Variants in DOCK3 observed in about 807,000 individuals in gnomAD.
DOCK3 encodes dedicator of cytokinesis protein 3.
In DOCK3, 60 loss-of-function variants were observed where a neutral mutation model predicts 265.6. That is an observed-to-expected ratio of 0.23 (90% CI 0.18 to 0.28). DOCK3 has a LOEUF of 0.28. Ranked by LOEUF, DOCK3 falls within the 10% of genes least tolerant of loss-of-function variation. The pLI is 1.00. For synonymous variants in DOCK3, 881 were observed against 938.0 expected (o/e 0.94, Z 1.11); for missense variants, 1,981 against 2,594.3 (o/e 0.76, Z 5.14).
chr3:50,775,912 T>C (rs941927359), intron 1 of DOCK3, among the ~76,000 whole-genome samples: 4 of 152,244 alleles, frequency 2.6e-5, no homozygotes, highest in Middle Eastern at 3.4e-3. Context: ...CAAAAGACAT[T>C]ATTTTGTTCC....
chr3:51,229,910 G>A (rs543490204), intron 19 of DOCK3, among the ~76,000 whole-genome samples: 1 of 152,182 alleles, frequency 6.6e-6, no homozygotes, highest in Admixed American at 6.5e-5. Flanking sequence ...TCAGCCTCTG[G>A]TATTCCTCAT....
intron 6 of DOCK3, among the ~76,000 whole-genome samples, chr3:51,074,314 G>A (rs2081981750): frequency 6.6e-6 from 1 of 152,026 alleles, no homozygotes; most frequent in Admixed American, 6.6e-5. Context: ...TTGAATTCCT[G>A]GTTTAGAGCT....
rs1023944092 is a variant in DOCK3 at position 51,359,493 on chromosome 3, G to A, written c.4885-1018G>A. Among the ~76,000 whole-genome samples, 10 of 152,230 alleles carry A rather than the reference G, an allele frequency of 6.6e-5. No homozygotes were observed. The highest frequency in any genetic ancestry group is 1.9e-4 in the East Asian group (1 of 5,180). On this transcript the variant is annotated intron_variant, in intron 46 of 52. Coordinates refer to ENST00000266037, the MANE Select transcript of DOCK3 (RefSeq NM_004947.5). This position sits in a 1 kb window ranked among gnomAD's most constrained non-coding sequence, Gnocchi z 4.8. ...TTTAGTTAAGAACTTGGGCAGTATC[G>A]CTGAGTCTGGTGGGTATTCATTCCA...
chr3:51,188,028 T>A (rs571934733), intron 12 of DOCK3, among the ~76,000 whole-genome samples: 2 of 152,220 alleles, frequency 1.3e-5, no homozygotes, highest in Admixed American at 6.5e-5. Flanking sequence ...TAGTGACTTA[T>A]AAGCTATTAG....
chr3:50,818,883 T>G (rs1206639699), intron 2 of DOCK3, among the ~76,000 whole-genome samples: 2 of 152,186 alleles, frequency 1.3e-5, no homozygotes, highest in African/African-American at 4.8e-5. Context: ...TAGAATCTGT[T>G]TCAAGAGCCA....
At position 51,313,157 on chromosome 3, in the gene DOCK3, A is replaced by T. The variant is rs900220031; in HGVS notation, c.3253+255A>T. On this transcript the variant is annotated intron_variant, in intron 31 of 52. Coordinates refer to ENST00000266037, the MANE Select transcript of DOCK3 (RefSeq NM_004947.5). ...TTTTTTTAGGAACTAAAGTCAAAAG[A>T]AAAAAAAGAAAAGGAGGGCTGTAGT... is the stretch of plus-strand genomic sequence containing the variant. 2.6e-5 allele frequency among the ~76,000 whole-genome samples: 4 copies of T among 151,914 alleles called. No homozygotes were observed. In the South Asian group the frequency reaches 8.3e-4, roughly 32 times the overall value.
chr3:51,115,150 G>T (rs1333166073), intron 9 of DOCK3, among the ~76,000 whole-genome samples: 1 of 152,182 alleles, frequency 6.6e-6, no homozygotes, highest in East Asian at 1.9e-4. Context: ...AATCCTTAGG[G>T]TATATACCCA....
intron 21 of DOCK3, among the ~76,000 whole-genome samples, chr3:51,243,163 G>A (rs1372682200): frequency 6.6e-6 from 1 of 152,174 alleles, no homozygotes; most frequent in African/African-American, 2.4e-5. Context: ...AGTCTCCCAC[G>A]GGAGCAAGTC....
chr3:51,211,016 A>C, intron 13 of DOCK3, among the ~76,000 whole-genome samples: 1 of 152,246 alleles, frequency 6.6e-6, no homozygotes. Flanking sequence ...CATGAAGAGC[A>C]TTAAGGACAA....
chr3:51,160,802 C>T (rs2086087766), intron 12 of DOCK3, 100 bp downstream of exon 12: 25 of 1,413,280 alleles, frequency 1.8e-5, no homozygotes, highest in South Asian at 1.5e-4. Context: ...ACACAGGCCA[C>T]GCAGTGGCTC....
intron 22 of DOCK3, among the ~76,000 whole-genome samples, chr3:51,257,128 C>G (rs1462426412): frequency 6.6e-6 from 1 of 152,168 alleles, no homozygotes; most frequent in Non-Finnish European, 1.5e-5. Context: ...GAGCATTTTT[C>G]TGAGGTGTTT....
At chr3:51,068,447 G>A (rs2081698779) in intron 6 of DOCK3, among the ~76,000 whole-genome samples, 1 of 150,692 alleles carries the variant, frequency 6.6e-6, no homozygotes, top group Admixed American at 6.6e-5. Context: ...GGGTGAGGCA[G>A]GAGAATGGTG....
At chr3:51,163,373 A>T (rs1186724596) in intron 12 of DOCK3, among the ~76,000 whole-genome samples, 3 of 151,906 alleles carry the variant, frequency 2.0e-5, no homozygotes, top group Admixed American at 6.6e-5. Context: ...GTGTATGGGA[A>T]GGCACCACAC....
At chr3:50,812,943 T>G (rs1576513760) in intron 2 of DOCK3, among the ~76,000 whole-genome samples, 1 of 152,250 alleles carries the variant, frequency 6.6e-6, no homozygotes, top group South Asian at 2.1e-4. Flanking sequence ...GCATGTAGCA[T>G]CATTAAGTGT....
chr3:51,155,675 T>C (rs2085811316), intron 10 of DOCK3, among the ~76,000 whole-genome samples: 1 of 152,180 alleles, frequency 6.6e-6, no homozygotes, highest in African/African-American at 2.4e-5. Flanking sequence ...GAGGCCTTAG[T>C]TTTTCTGACT....
At chr3:50,908,197 C>CTTTTT (rs550837883) in intron 4 of DOCK3, among the ~76,000 whole-genome samples, 1 of 114,430 alleles carries the variant, frequency 8.7e-6, no homozygotes, top group Non-Finnish European at 1.8e-5. Flanking sequence ...TTTTGAAGGG[C>CTTTTT]TTTTTTTTTT....
Position 51,381,323 on chromosome 3 carries a change from T to TG in DOCK3, c.5858dup (p.Cys1953TrpfsTer37), listed in dbSNP as rs1185538882. 2 of 1,613,476 alleles carry TG rather than the reference T, an allele frequency of 1.2e-6. No homozygotes were observed. The highest frequency in any genetic ancestry group is 1.7e-6 in the Non-Finnish European group (2 of 1,179,884). ...CCTGGACTCCATCAAGGCCCAGCCA[T>TG]GCCGAAGCCACTCAGCCCCAGGGTG... On this transcript the variant is annotated frameshift_variant, in exon 53 of 53. Transcript: ENST00000266037. LOFTEE classifies it high-confidence loss of function. The surrounding 1 kb of genome is among the most constrained non-coding windows in gnomAD (Gnocchi z 5.6).
At position 51,258,929 on chromosome 3, in the gene DOCK3, G is replaced by C. The variant is rs927784363; in HGVS notation, c.2185-1227G>C. 2.0e-4 allele frequency among the ~76,000 whole-genome samples: 30 copies of C among 152,190 alleles called. 1 individual carries two copies. Among genetic ancestry groups the C allele is most frequent in the Non-Finnish European group, 5.9e-5 (4 of 68,034 alleles). On this transcript the variant is annotated intron_variant, in intron 22 of 52. Coordinates refer to ENST00000266037, the MANE Select transcript of DOCK3 (RefSeq NM_004947.5). ...AAACTGGCATAAGCTAATAAATGAA[G>C]CTAGCTCAGAAGTGTATACTTTCTG...
chr3:51,246,698 G>C (rs2078858107), intron 21 of DOCK3, 28 bp from the exon 22 acceptor site: 1 of 1,602,164 alleles, frequency 6.2e-7, no homozygotes, highest in South Asian at 1.1e-5. Context: ...AATTAAAGTG[G>C]GGTTTCTGGA....
Sources: allele counts gnomAD v4.1 joint callset (sites outside exome capture counted in the v4.1 genomes callset), GRCh38; gene constraint gnomAD v4.1.1; non-coding constraint Gnocchi (gnomAD v3.1); transcripts MANE v1.5; gene names NCBI Gene and HGNC (gene_info 2026-07-23, HGNC 2026-07-21).